The following TTN variants were observed in gnomAD, a reference collection of about 807,000 sequenced individuals.
The protein encoded by TTN is connectin.
In TTN, 1,525 loss-of-function variants were observed where a neutral mutation model predicts 3,223.0. The observed-to-expected ratio is 0.47, with a 90% CI of 0.45 to 0.49. The LOEUF (loss-of-function observed/expected upper bound fraction) is 0.49. Among genes scored for constraint, TTN ranks in the 20% least tolerant of loss-of-function variants. The probability of loss-of-function intolerance (pLI) is 0.00; values close to 1 mark genes in which losing one functional copy is unlikely to be tolerated. For synonymous variants in TTN, 14,094 were observed against 15,161.0 expected (o/e 0.93, Z 5.17); for missense variants, 40,786 against 43,424.0 (o/e 0.94, Z 5.40).
In TTN at chr2:178,550,948, A is replaced by G. The variant is rs1699201082; in HGVS notation, c.91564+19T>C. 5 of 1,608,206 alleles carry G rather than the reference A, an allele frequency of 3.1e-6. 1 individual carries two copies. The South Asian group carries it at 5.5e-5, about 18-fold the overall frequency. ...GTGAATGCTCTTAGTCTCATTGGAA[A>G]TAAGTTGTAAATGCTTACCATTTTC... On this transcript the variant is annotated intron_variant, in intron 336 of 362. Transcript: ENST00000589042.
At position 178,786,065 on chromosome 2, in the gene TTN, C is replaced by T. The variant is rs750464599; in HGVS notation, c.2153G>A (p.Arg718Lys). 1.3e-5 allele frequency: 21 copies of T among 1,613,970 alleles called. 1 individual carries two copies. In the Admixed American group the frequency reaches 3.5e-4, roughly 27 times the overall value. The change falls in exon 14 of 363, where the codon AGA (arginine) becomes AAA (lysine). Residue 718 changes from arginine (R) to lysine (K), a missense_variant. Physicochemically the swap from Arg to Lys is conservative, Grantham distance 26. Coordinates refer to ENST00000589042, the MANE Select transcript of TTN (RefSeq NM_001267550.2). ...AVDQARVREP[R>K]EPGHLEESYA... ...GGATTCTTCAAGATGCCCAGGCTCT[C>T]TGGGCTCTCTGACTCGGGCCTGGTC...
intron 119 of TTN, 133 bp downstream of exon 119, chr2:178,693,476 C>T (rs2072959101): frequency 1.7e-6 from 1 of 590,138 alleles, no homozygotes; most frequent in Non-Finnish European, 2.7e-6. Context: ...CCCATCACAT[C>T]CTTTGTACAT....
intron 218 of TTN, among the ~76,000 whole-genome samples, chr2:178,643,357 AATC>A (rs2061491665): frequency 6.6e-6 from 1 of 152,120 alleles, no homozygotes; most frequent in Admixed American, 6.6e-5. Flanking sequence ...CGTTTTGAAT[AATC>A]ATTTTTTTAA....
intron 71 of TTN, 169 bp from the exon 72 acceptor site, chr2:178,724,707 AT>A (rs1332881068): frequency 5.0e-6 from 3 of 597,634 alleles, no homozygotes; most frequent in Non-Finnish European, 7.3e-6. Context: ...AATTATAGCT[AT>A]TTTTTATTTT....
intron 250 of TTN, chr2:178,619,341 C>G: frequency 2.1e-6 from 1 of 486,266 alleles, no homozygotes; most frequent in East Asian, 3.9e-5. Flanking sequence ...TTTAGATTTG[C>G]CAAGACTCTC....
At chr2:178,749,371 G>A in intron 47 of TTN, 5 of 1,613,028 alleles carry the variant, frequency 3.1e-6, no homozygotes, top group Non-Finnish European at 4.2e-6. Context: ...TGATTTTTAT[G>A]GTTCTTGAAG....
rs765465427 is a variant in TTN, at chr2:178,564,320, T to C, written c.81812A>G (p.Asp27271Gly). ...SGAITARDEI[D>G]APNASLDPKY... ...TGGATCCAGAGAGGCATTTGGTGCA[T>C]CAATTTCATCTCTTGCAGTAATGGC... The change falls in exon 326 of 363, where the codon GAT (aspartate) becomes GGT (glycine). Residue 27271 changes from aspartate to glycine, a missense_variant. Asp to Gly is a moderately conservative substitution (Grantham distance 94, BLOSUM62 -1). Transcript: ENST00000589042. The C allele has an allele frequency of 6.2e-7, 1 of 1,613,702 alleles. No homozygotes were observed. Among genetic ancestry groups the C allele is most frequent in the South Asian group, 1.1e-5 (1 of 91,078 alleles).
chr2:178,541,301 G>A lies in TTN; in HGVS notation c.97776C>T (p.Ile32592=), dbSNP rs375166890. 7.9e-6 allele frequency: 12 copies of A among 1,514,762 alleles called. No individual in the cohort carries two copies. In the Middle Eastern group the frequency reaches 5.1e-4, roughly 65 times the overall value. The allele number at this position is 1,514,762 out of a possible 1,614,324, so 93.8% of individuals were successfully genotyped here. A position where few individuals can be genotyped will look rare whatever the true frequency, so the allele number is the denominator to read the frequency against. Residue 32592 remains isoleucine (I), a synonymous_variant, in exon 350 of 363, where the codon ATC becomes ATT. Coordinates refer to ENST00000589042, the MANE Select transcript of TTN (RefSeq NM_001267550.2). ...CCTTACCAATTGGATCCATGGCAACGATGGGTTTGGAAGGACGACTTGGTT... is the reference window on the plus strand; with the variant it reads ...CCTTACCAATTGGATCCATGGCAACAATGGGTTTGGAAGGACGACTTGGTT... ...SGKPSRPSKP[I]VAMDPIAPPG...
intron 47 of TTN, chr2:178,750,810 C>T: frequency 6.2e-7 from 1 of 1,613,136 alleles, no homozygotes; most frequent in Non-Finnish European, 8.5e-7. Context: ...GTCTCATATA[C>T]TTCCTCCTTC....
chr2:178,611,568 G>A lies in TTN; in HGVS notation c.50661C>T (p.Tyr16887=). The change falls in exon 269 of 363, where the codon TAC becomes TAT. Residue 16887 remains tyrosine, a synonymous_variant. Transcript: ENST00000589042. The part of the protein sequence containing the change: ...EKNGGSPIIG[Y]HVEMCPVGTE... ...TGCCTACTGGACACATTTCAACATG[G>A]TATCCTATGATAGGACTTCCACCAT... The A allele has an allele frequency of 6.2e-7, 1 of 1,612,958 alleles. No homozygotes were observed. Among genetic ancestry groups the A allele is most frequent in the South Asian group, 1.1e-5 (1 of 91,060 alleles).
rs72648930 is a variant in TTN at position 178,733,826 on chromosome 2, T to G, written c.15563A>C (p.Gln5188Pro). ...IALGGQTVTLQAAVRGSEPIS... is the reference protein window; with the variant it reads ...IALGGQTVTLPAAVRGSEPIS... ...GGGCTCTGACCCTCTCACAGCAGCT[T>G]GCAGGGTAACGGTTTGTCCTCCTAG... The change falls in exon 53 of 363, where the codon CAA (glutamine) becomes CCA (proline). Residue 5188 changes from glutamine to proline, a missense_variant. Physicochemically the swap from Gln to Pro is moderately conservative, Grantham distance 76. Transcript: ENST00000589042. The G allele has an allele frequency of 1.7e-3, 2,804 of 1,613,702 alleles. 2 individuals carry two copies. Among genetic ancestry groups the G allele is most frequent in the Non-Finnish European group, 2.3e-3 (2,716 of 1,179,694 alleles).
Position 178,601,934 on chromosome 2 carries a change from T to C in TTN, c.55270-20A>G, listed in dbSNP as rs772045017. ...TCCATCCTATTAGAAAAGGAGACAG[T>C]CAGTTGTAGTATAAATACTCCTTAT... On this transcript the variant is annotated intron_variant, in intron 284 of 362. Transcript: ENST00000589042. 6.2e-7 allele frequency: 1 copy of C among 1,612,626 alleles called. No homozygotes were observed. Among genetic ancestry groups the C allele is most frequent in the South Asian group, 1.1e-5 (1 of 91,006 alleles).
At chr2:178,600,482 A>G (rs1259493330) in intron 288 of TTN, 1 of 203,386 alleles carries the variant, frequency 4.9e-6, no homozygotes, top group Non-Finnish European at 1.1e-5. Flanking sequence ...ATAGAGAAAT[A>G]AAAACTTGAT....
rs932567742 is a variant in TTN, at chr2:178,724,159, T to A, written c.21116-16A>T. 8.1e-6 allele frequency: 13 copies of A among 1,597,556 alleles called. No homozygotes were observed. The East Asian group carries it at 2.7e-4, about 33-fold the overall frequency. On this transcript the variant is annotated splice_polypyrimidine_tract_variant and intron_variant, in intron 72 of 362. Coordinates refer to ENST00000589042, the MANE Select transcript of TTN (RefSeq NM_001267550.2). Reference sequence around the variant, plus strand: ...ACTGCTCGGTCTGTGTGAGGAAAGGTAAGAGACTCATCATGATTTGAAAGA... The same window carrying A: ...ACTGCTCGGTCTGTGTGAGGAAAGGAAAGAGACTCATCATGATTTGAAAGA...
chr2:178,651,550 T>G lies in TTN; in HGVS notation c.39464-14A>C. The G allele has an allele frequency of 6.2e-7, 1 of 1,612,556 alleles. No homozygotes were observed. ...GCACCTCGGGCACTATAAAAGATAT[T>G]AGTAGTTGTTTAAGCTCATGGTTTC... On this transcript the variant is annotated splice_polypyrimidine_tract_variant and intron_variant, in intron 206 of 362. Coordinates refer to ENST00000589042, the MANE Select transcript of TTN (RefSeq NM_001267550.2).
At position 178,735,524 on chromosome 2, in the gene TTN, T is replaced by C. The variant is rs1215934845; in HGVS notation, c.14922A>G (p.Thr4974=). Residue 4974 remains threonine (T), a synonymous_variant, in exon 50 of 363, where the codon ACA becomes ACG. Transcript: ENST00000589042. The part of the protein sequence containing the change: ...NEAGSSSCSA[T]VTVREPPSFV... ...CACGTTTCTTACCTCTGACAGTGAC[T>C]GTGGCTGAGCAGGAGCTGCTTCCAG... 1.3e-6 allele frequency: 2 copies of C among 1,585,576 alleles called. No individual in the cohort carries two copies. The highest frequency in any genetic ancestry group is 3.6e-5 in the Admixed American group (2 of 55,352).
chr2:178,583,714 C>T lies in TTN; in HGVS notation c.65468G>A (p.Gly21823Asp). The T allele has an allele frequency of 6.2e-7, 1 of 1,612,342 alleles. No homozygotes were observed. ...TTGATACTGAGCTTTCTCTTCTAGG[C>T]CAGTAGCTGTGTACTCTTCCTGGGG... ...QIPQEEYTAT[G>D]LEEKAQYQFR... The change falls in exon 312 of 363, where the codon GGC (glycine) becomes GAC (aspartate). Residue 21823 changes from glycine to aspartate, a missense_variant. Coordinates refer to ENST00000589042, the MANE Select transcript of TTN (RefSeq NM_001267550.2).
In TTN at chr2:178,542,415, C is replaced by G; in HGVS notation, c.97341G>C (p.Trp32447Cys). Reference sequence around the variant, plus strand: ...TAGTCACTGATTCAGAAACGGGCAGCCATCCTGGACGATGAGCGTCACGTT... The same window carrying G: ...TAGTCACTGATTCAGAAACGGGCAGGCATCCTGGACGATGAGCGTCACGTT... ...VEQRDAHRPGWLPVSESVTRS... is the reference protein window; with the variant it reads ...VEQRDAHRPGCLPVSESVTRS... Residue 32447 changes from tryptophan to cysteine, a missense_variant, in exon 349 of 363, where the codon TGG becomes TGC. Physicochemically the swap from Trp to Cys is radical, Grantham distance 215. Coordinates refer to ENST00000589042, the MANE Select transcript of TTN (RefSeq NM_001267550.2). The G allele has an allele frequency of 6.2e-7, 1 of 1,613,650 alleles. No homozygotes were observed. Among genetic ancestry groups the G allele is most frequent in the East Asian group, 2.2e-5 (1 of 44,826 alleles).
Position 178,568,555 on chromosome 2 carries a change from T to G in TTN, c.77577A>C (p.Glu25859Asp). 6.2e-7 allele frequency: 1 copy of G among 1,613,470 alleles called. No homozygotes were observed. Among genetic ancestry groups the G allele is most frequent in the East Asian group, 2.2e-5 (1 of 44,828 alleles). The change falls in exon 326 of 363, where the codon GAA (glutamate) becomes GAC (aspartate). Residue 25859 changes from glutamate to aspartate, a missense_variant. Physicochemically the swap from Glu to Asp is conservative, Grantham distance 45. Coordinates refer to ENST00000589042, the MANE Select transcript of TTN (RefSeq NM_001267550.2). ...SLDLTTLSIK[E>D]THKDDGGQYG... ...ATTGTCCACCATCATCCTTATGAGT[T>G]TCTTTAATACTGAGTGTGGTGAGAT...
Sources: gnomAD v4.1 joint callset for allele counts (sites outside exome capture counted in the v4.1 genomes callset) on GRCh38, gnomAD v4.1.1 for gene constraint, MANE v1.5 for transcripts, NCBI Gene and HGNC (gene_info 2026-07-23, HGNC 2026-07-21) for gene names.